SCAPER: variants seen among roughly 807,000 people sequenced by gnomAD.
SCAPER encodes S phase cyclin A-associated protein in the endoplasmic reticulum.
SCAPER carries 98 observed loss-of-function variants against 182.2 expected under a neutral mutation model. The ratio of observed to expected loss-of-function variants is 0.54; its 90% CI spans 0.46 to 0.64. SCAPER has a LOEUF of 0.64. SCAPER is among the 30% of genes least tolerant of loss of function. The pLI is 0.00. For synonymous variants in SCAPER, 605 were observed against 564.6 expected (o/e 1.07, Z -1.01); for missense variants, 1,432 against 1,690.0 (o/e 0.85, Z 2.68).
intron 20 of SCAPER, among the ~76,000 whole-genome samples, chr15:76,683,397 T>A (rs189774260): frequency 5.9e-5 from 9 of 152,104 alleles, no homozygotes; most frequent in South Asian, 2.1e-4. Flanking sequence ...CTGAGAAATA[T>A]GGGATTATGT....
intron 1 of SCAPER, among the ~76,000 whole-genome samples, chr15:76,896,675 T>C (rs1285688822): frequency 2.0e-5 from 3 of 152,020 alleles, no homozygotes; most frequent in Admixed American, 2.0e-4. Context: ...TCCTAGCACT[T>C]TGGGAGGCCA....
At chr15:76,572,915 TCTCTCA>T (rs1455470382) in intron 23 of SCAPER, among the ~76,000 whole-genome samples, 1 of 131,164 alleles carries the variant, frequency 7.6e-6, no homozygotes, top group African/African-American at 3.0e-5. Context: ...TCTCTCTCTC[TCTCTCA>T]CACACACACA....
intron 23 of SCAPER, among the ~76,000 whole-genome samples, chr15:76,559,579 A>G (rs1274649448): frequency 6.6e-6 from 1 of 152,182 alleles, no homozygotes; most frequent in Non-Finnish European, 1.5e-5. Flanking sequence ...AGACTAATAC[A>G]ATGTCCTTTA....
intron 17 of SCAPER, among the ~76,000 whole-genome samples, chr15:76,724,932 A>G (rs2060491458): frequency 6.6e-6 from 1 of 152,042 alleles, no homozygotes; most frequent in South Asian, 2.1e-4. Flanking sequence ...AACGCGTCAA[A>G]GTCATTCTCC....
In SCAPER at chr15:76,574,331, ATAATCT is replaced by A. The variant is rs751365794; in HGVS notation, c.2712-53_2712-48del. ...AAGAATGACATTAATGAAACAGACT[ATAATCT>A]TCATTTCCCAAAACACTTTGAAACA... On this transcript the variant is annotated intron_variant, in intron 22 of 31. Transcript: ENST00000563290. 57 of 1,581,192 alleles carry A rather than the reference ATAATCT, an allele frequency of 3.6e-5. No homozygotes were observed. In the Middle Eastern group the frequency reaches 8.4e-4, roughly 23 times the overall value.
chr15:76,778,129 A>G (rs1005817937), intron 8 of SCAPER, among the ~76,000 whole-genome samples: 7 of 152,214 alleles, frequency 4.6e-5, no homozygotes, highest in Non-Finnish European at 1.0e-4. Context: ...TTGAAAAGTC[A>G]TAAGTTGGGA....
chr15:76,755,173 T>C (rs1433706063), intron 14 of SCAPER, among the ~76,000 whole-genome samples: 1 of 152,178 alleles, frequency 6.6e-6, no homozygotes, highest in East Asian at 1.9e-4. Context: ...AGAGAAGAAC[T>C]GTGATTGTGT....
intron 27 of SCAPER, among the ~76,000 whole-genome samples, chr15:76,393,935 C>G (rs73450233): frequency 0.016 from 2,383 of 152,270 alleles, 69 homozygotes; most frequent in African/African-American, 0.053. Flanking sequence ...CAACCACCAG[C>G]CTTCAAGTCT....
chr15:76,860,917 A>C (rs779958031), intron 3 of SCAPER, among the ~76,000 whole-genome samples: 32 of 152,194 alleles, frequency 2.1e-4, no homozygotes, highest in Non-Finnish European at 5.9e-5. Flanking sequence ...AGCCAAGTTA[A>C]AGGGTCTCCC....
chr15:76,814,379 T>C (rs1056775711), intron 5 of SCAPER, among the ~76,000 whole-genome samples: 1 of 152,122 alleles, frequency 6.6e-6, no homozygotes, highest in African/African-American at 2.4e-5. Flanking sequence ...TCAACAGTAA[T>C]CTAAACTGTA....
At chr15:76,665,096 C>T (rs2056472466) in intron 21 of SCAPER, among the ~76,000 whole-genome samples, 1 of 152,170 alleles carries the variant, frequency 6.6e-6, no homozygotes, top group African/African-American at 2.4e-5. Flanking sequence ...TCAGATGACA[C>T]TCAAAGCTTG....
At chr15:76,786,345 A>AT (rs1568134211) in intron 8 of SCAPER, among the ~76,000 whole-genome samples, 1 of 149,264 alleles carries the variant, frequency 6.7e-6, no homozygotes, top group African/African-American at 2.4e-5. Context: ...AAAAAAAAAA[A>AT]TCAATCAATG....
chr15:76,393,261 C>T (rs934239216), intron 27 of SCAPER, among the ~76,000 whole-genome samples: 7 of 152,182 alleles, frequency 4.6e-5, no homozygotes. Context: ...CCTTTGACAG[C>T]GTGAGCAGGA....
chr15:76,702,890 G>C lies in SCAPER; in HGVS notation c.2360C>G (p.Pro787Arg). 1 of 1,608,858 alleles carries C rather than the reference G, an allele frequency of 6.2e-7. No individual in the cohort carries two copies. The highest frequency in any genetic ancestry group is 8.5e-7 in the Non-Finnish European group (1 of 1,178,610). ...ANTDYAPKLT[P>R]YERKKQCSLC... is the part of the protein sequence containing the mutation. ...AGAACACTGCTTCTTTCTTTCATAAGGGGTCAGTTTGGGGGCATAATCAGT... is the reference window on the plus strand; with the variant it reads ...AGAACACTGCTTCTTTCTTTCATAACGGGTCAGTTTGGGGGCATAATCAGT... Residue 787 changes from proline (P) to arginine (R), a missense_variant, in exon 19 of 32, where the codon CCT becomes CGT. Coordinates refer to ENST00000563290, the MANE Select transcript of SCAPER (RefSeq NM_020843.4).
intron 31 of SCAPER, chr15:76,349,368 T>A (rs956733740): frequency 3.9e-5 from 6 of 152,228 alleles, no homozygotes; most frequent in African/African-American, 1.4e-4. Flanking sequence ...TTTAAAATTA[T>A]TCAAATATAG....
At chr15:76,535,128 G>A (rs1291894682) in intron 23 of SCAPER, among the ~76,000 whole-genome samples, 1 of 152,082 alleles carries the variant, frequency 6.6e-6, no homozygotes, top group Non-Finnish European at 1.5e-5. Flanking sequence ...TGGGTCTATA[G>A]AAATGAATTT....
In SCAPER at chr15:76,440,500, G is replaced by C. The variant is rs566115723; in HGVS notation, c.3079-6190C>G. ...GGTAATTCTGTACAACTATTTTTTA[G>C]TATTCTGAAGATAGGTTTACATATT... is the stretch of plus-strand genomic sequence containing the variant. On this transcript the variant is annotated intron_variant, in intron 25 of 31. Coordinates refer to ENST00000563290, the MANE Select transcript of SCAPER (RefSeq NM_020843.4). Among the ~76,000 whole-genome samples the C allele has an allele frequency of 3.3e-5, 5 of 152,234 alleles. No homozygotes were observed. In the South Asian group the frequency reaches 1.0e-3, roughly 32 times the overall value.
intron 1 of SCAPER, among the ~76,000 whole-genome samples, chr15:76,891,131 A>G (rs1404521091): frequency 6.6e-6 from 1 of 152,220 alleles, no homozygotes; most frequent in African/African-American, 2.4e-5. Context: ...TCTTCATGCT[A>G]AAAACTATCA....
rs33962376 is a variant in SCAPER, at chr15:76,712,781, T to C, written c.2166-6797A>G. On this transcript the variant is annotated intron_variant, in intron 17 of 31. Transcript: ENST00000563290. ...TAAGAATGCTTGTGATTTTTGTACA[T>C]TGATTTTGTATCCTGAGACTTTGCT... Among the ~76,000 whole-genome samples, 151 of 152,048 alleles carry C rather than the reference T, an allele frequency of 9.9e-4. No homozygotes were observed. In the East Asian group the frequency reaches 0.021, roughly 21 times the overall value.
Sources: allele counts gnomAD v4.1 joint callset (sites outside exome capture counted in the v4.1 genomes callset), GRCh38; gene constraint gnomAD v4.1.1; transcripts MANE v1.5; gene names NCBI Gene and HGNC (gene_info 2026-07-23, HGNC 2026-07-21).